The following RPL30 variants were observed in gnomAD, a reference collection of about 807,000 sequenced individuals.
The protein encoded by RPL30 is large ribosomal subunit protein eL30.
For synonymous variants in RPL30, 40 were observed against 50.4 expected (o/e 0.79, Z 0.87); for missense variants, 60 against 138.0 (o/e 0.43, Z 2.83).
At chr8:98,043,076 T>A (rs114368687) in intron 3 of RPL30, 3 of 204,988 alleles carry the variant, frequency 1.5e-5, no homozygotes, top group Non-Finnish European at 2.9e-5. Context: ...TATCTAGCAT[T>A]AGTAAGGACC....
At chr8:98,042,412 C>G (rs759347174) in intron 4 of RPL30, 10 of 473,314 alleles carry the variant, frequency 2.1e-5, no homozygotes, top group Non-Finnish European at 3.8e-5. Flanking sequence ...GGTACTTCAT[C>G]AAATGAAATT....
chr8:98,045,193 GA>G, intron 2 of RPL30, 105 bp from the exon 3 acceptor site: 1 of 1,544,504 alleles, frequency 6.5e-7, no homozygotes, highest in Non-Finnish European at 8.8e-7. Flanking sequence ...CGAAGTCGAG[GA>G]CCCCAAGTCA....
At chr8:98,042,444 T>C (rs1203379646) in intron 4 of RPL30, 7 of 534,862 alleles carry the variant, frequency 1.3e-5, no homozygotes, top group Admixed American at 3.5e-5. Context: ...AGTAAAAATT[T>C]TAACTTATAA....
At chr8:98,042,364 A>G (rs1814392546) in intron 4 of RPL30, 2 of 422,944 alleles carry the variant, frequency 4.7e-6, no homozygotes, top group Admixed American at 7.9e-5. Flanking sequence ...CTCTCCTTAT[A>G]ATTTCACCTT....
intron 2 of RPL30, 73 bp downstream of exon 2, chr8:98,045,274 C>A (rs1203150600): frequency 5.6e-6 from 9 of 1,603,906 alleles, no homozygotes; most frequent in Non-Finnish European, 6.0e-6. Context: ...CCCCCGTGGG[C>A]TCACATCTGC....
In RPL30 at chr8:98,041,941, T is replaced by A. The variant is rs1170296370; in HGVS notation, c.299-91A>T. 7.4e-6 allele frequency: 7 copies of A among 939,880 alleles called. No individual in the cohort carries two copies. The Middle Eastern group carries it at 9.9e-4, about 133-fold the overall frequency. The allele number at this position is 939,880 out of a possible 1,614,324, so 58.2% of individuals were successfully genotyped here. A position where few individuals can be genotyped will look rare whatever the true frequency, so the allele number is the denominator to read the frequency against. ...TTTCTCTACCTTTGGTTATCCCTTCTGTAGACAATGGTCTGCAAATTAGCA... is the reference window on the plus strand; with the variant it reads ...TTTCTCTACCTTTGGTTATCCCTTCAGTAGACAATGGTCTGCAAATTAGCA... On this transcript the variant is annotated intron_variant, in intron 4 of 4. Coordinates refer to ENST00000287038, the MANE Select transcript of RPL30 (RefSeq NM_000989.4).
At position 98,044,996 on chromosome 8, in the gene RPL30, G is replaced by C; in HGVS notation, c.114C>G (p.Ile38Met). The C allele has an allele frequency of 6.2e-7, 1 of 1,614,070 alleles. No homozygotes were observed. The highest frequency in any genetic ancestry group is 8.5e-7 in the Non-Finnish European group (1 of 1,180,046). The change falls in exon 3 of 5, where the codon ATC becomes ATG. Residue 38 changes from isoleucine to methionine, a missense_variant. Ile to Met is a conservative substitution (Grantham distance 10, BLOSUM62 1). Coordinates refer to ENST00000287038, the MANE Select transcript of RPL30 (RefSeq NM_000989.4). ...VLGYKQTLKM[I>M]RQGKAKLVIL... ...TGACCAATTTCGCTTTGCCTTGTCT[G>C]ATCATCTTCAGAGTCTGCTTGTACC...
At chr8:98,041,898 G>A in intron 4 of RPL30, 48 bp from the exon 5 acceptor site, 1 of 1,291,048 alleles carries the variant, frequency 7.7e-7, no homozygotes, top group Non-Finnish European at 1.1e-6. Flanking sequence ...TCATTTAATA[G>A]CAACTGGTAC....
In RPL30 at chr8:98,045,414, G is replaced by C. The variant is rs771619783; in HGVS notation, c.-32-15C>G. The stretch of plus-strand genomic sequence containing the variant: ...CGGCCCCCAACCTAGAAGAGACAGA[G>C]AACAGGACAGGAATTTTAGGATCCG... On this transcript the variant is annotated splice_polypyrimidine_tract_variant and intron_variant, in intron 1 of 4. Coordinates refer to ENST00000287038, the MANE Select transcript of RPL30 (RefSeq NM_000989.4). 4.3e-6 allele frequency: 7 copies of C among 1,612,772 alleles called. No individual in the cohort carries two copies. The highest frequency in any genetic ancestry group is 1.1e-5 in the South Asian group (1 of 91,032).
At chr8:98,042,004 T>C (rs1586185699) in intron 4 of RPL30, 154 bp from the exon 5 acceptor site, 1 of 720,802 alleles carries the variant, frequency 1.4e-6, no homozygotes, top group East Asian at 2.5e-5. Context: ...AGCTGTACTG[T>C]CATTTTTCTT....
rs985722224 is a variant in RPL30 at position 98,045,545 on chromosome 8, G to T, written c.-70C>A. 3.8e-5 allele frequency: 24 copies of T among 634,624 alleles called. No homozygotes were observed. In the African/African-American group the frequency reaches 3.8e-4, roughly 10 times the overall value. The allele number at this position is 634,624 out of a possible 1,614,324, so 39.3% of individuals were successfully genotyped here. A position where few individuals can be genotyped will look rare whatever the true frequency, so the allele number is the denominator to read the frequency against. ...CTAAGATGGCCGGGGAACGAGAAAG[G>T]AAAGACTTCCCACAATGCAAAGCTC... On this transcript the variant is annotated 5_prime_UTR_variant, in exon 1 of 5. Coordinates refer to ENST00000287038, the MANE Select transcript of RPL30 (RefSeq NM_000989.4).
At chr8:98,043,174 GATCGTGC>G (rs1814411196) in intron 3 of RPL30, 1 of 153,702 alleles carries the variant, frequency 6.5e-6, no homozygotes, top group African/African-American at 2.4e-5. Flanking sequence ...CGCTCAGGCG[GATCGTGC>G]AGTGGCACGA....
At chr8:98,042,012 C>A (rs1448755291) in intron 4 of RPL30, 162 bp from the exon 5 acceptor site, 1 of 718,644 alleles carries the variant, frequency 1.4e-6, no homozygotes, top group Non-Finnish European at 2.5e-6. Flanking sequence ...TGTCATTTTT[C>A]TTAAGGTTGA....
chr8:98,045,499 C>G lies in RPL30; in HGVS notation c.-33+9G>C. The stretch of plus-strand genomic sequence containing the variant: ...CTGCCTAAACCTCGGTCGGTAGGAG[C>G]CCACTCACCAACAGCAGCCGCTAAG... On this transcript the variant is annotated intron_variant, in intron 1 of 4. Coordinates refer to ENST00000287038, the MANE Select transcript of RPL30 (RefSeq NM_000989.4). 1 of 945,708 alleles carries G rather than the reference C, an allele frequency of 1.1e-6. No individual in the cohort carries two copies. The highest frequency in any genetic ancestry group is 1.7e-6 in the Non-Finnish European group (1 of 601,514). 58.6% of individuals were successfully genotyped at this position (945,708 alleles called of 1,614,324 possible).
At chr8:98,042,186 T>C (rs564533053) in intron 4 of RPL30, 1 of 569,784 alleles carries the variant, frequency 1.8e-6, no homozygotes, top group Non-Finnish European at 3.4e-6. Context: ...GTCCTGACTA[T>C]TACAAAATCA....
intron 3 of RPL30, chr8:98,044,128 A>G (rs936289499): frequency 6.6e-6 from 1 of 152,308 alleles, no homozygotes; most frequent in Admixed American, 6.5e-5. Context: ...ATAAAATAAT[A>G]AATGGCACCT....
intron 4 of RPL30, 152 bp downstream of exon 4, chr8:98,042,493 C>A: frequency 2.8e-6 from 2 of 722,498 alleles, no homozygotes; most frequent in East Asian, 2.6e-5. Flanking sequence ...ATTACCAATT[C>A]TCTACAAAAT....
At chr8:98,042,835 T>C in intron 3 of RPL30, 60 bp from the exon 4 acceptor site, 1 of 1,454,748 alleles carries the variant, frequency 6.9e-7, no homozygotes, top group Non-Finnish European at 9.2e-7. Flanking sequence ...ACAGACTAAA[T>C]GTTACTACTT....
In RPL30 at chr8:98,042,629, G is replaced by A; in HGVS notation, c.298+16C>T. ...AAGGCAAAAAAAAAAAAGACTTTAT[G>A]ATTTAAAAAGCATACCTGGATCAAT... is the stretch of plus-strand genomic sequence containing the variant. On this transcript the variant is annotated intron_variant, in intron 4 of 4. Transcript: ENST00000287038. 1 of 1,385,550 alleles carries A rather than the reference G, an allele frequency of 7.2e-7. No individual in the cohort carries two copies. Among genetic ancestry groups the A allele is most frequent in the Non-Finnish European group, 1.0e-6 (1 of 990,444 alleles). The allele number at this position is 1,385,550 out of a possible 1,614,324, so 85.8% of individuals were successfully genotyped here.
Sources: gnomAD v4.1 joint callset for allele counts on GRCh38, gnomAD v4.1.1 for gene constraint, MANE v1.5 for transcripts, NCBI Gene and HGNC (gene_info 2026-07-23, HGNC 2026-07-21) for gene names.